The following GRM7 variants were observed in gnomAD, a reference collection of about 807,000 sequenced individuals.
GRM7 encodes glutamate metabotropic receptor 7.
A neutral mutation model predicts 84.5 loss-of-function variants in GRM7; 35 were observed. That is an observed-to-expected ratio of 0.41 (90% CI 0.32 to 0.55). GRM7 has a LOEUF of 0.55. Among genes scored for constraint, GRM7 ranks in the 20% least tolerant of loss-of-function variants. The probability of loss-of-function intolerance (pLI) is 0.19; values close to 1 mark genes in which losing one functional copy is unlikely to be tolerated. For synonymous variants in GRM7, 487 were observed against 455.1 expected, an observed-to-expected ratio of 1.07 and a Z score of -0.89; for missense variants, 1,003 against 1,194.6, an observed-to-expected ratio of 0.84 and a Z score of 2.36.
At chr3:7,553,244 A>G (rs1355544916) in intron 7 of GRM7, among the ~76,000 whole-genome samples, 1 of 152,174 alleles carries the variant, frequency 6.6e-6, no homozygotes, top group African/African-American at 2.4e-5. Flanking sequence ...CCTCATCTCT[A>G]TCTGAGACCA....
At position 7,692,568 on chromosome 3, in the gene GRM7, G is replaced by T. The variant is rs376467896; in HGVS notation, c.2698+12273G>T. Among the ~76,000 whole-genome samples the T allele has an allele frequency of 3.3e-5, 5 of 152,182 alleles. No individual in the cohort carries two copies. In the East Asian group the frequency reaches 5.8e-4, roughly 18 times the overall value. On this transcript the variant is annotated intron_variant, in intron 9 of 9. Coordinates refer to ENST00000357716, the MANE Select transcript of GRM7 (RefSeq NM_000844.4). Reference sequence around the variant, plus strand: ...TTCAAAGGGCCTATCATGATCATTTGCAACAATTTAATAATAATATTAGAA... The same window carrying T: ...TTCAAAGGGCCTATCATGATCATTTTCAACAATTTAATAATAATATTAGAA...
chr3:7,079,710 C>T (rs1698217482), intron 1 of GRM7, among the ~76,000 whole-genome samples: 1 of 152,072 alleles, frequency 6.6e-6, no homozygotes, highest in African/African-American at 2.4e-5. Flanking sequence ...GGATATTTAG[C>T]AGGGTTGATT....
chr3:7,457,546 G>GA (rs2124900985), intron 6 of GRM7, among the ~76,000 whole-genome samples: 1 of 152,224 alleles, frequency 6.6e-6, no homozygotes, highest in East Asian at 1.9e-4. Context: ...CTAGTTTCTA[G>GA]AAAACAAATT....
At chr3:6,929,765 A>G (rs1697434769) in intron 1 of GRM7, among the ~76,000 whole-genome samples, 1 of 152,150 alleles carries the variant, frequency 6.6e-6, no homozygotes, top group African/African-American at 2.4e-5. Context: ...ATTGATTACA[A>G]TCCTAAGTGG....
At chr3:7,377,834 A>G (rs1319759348) in intron 4 of GRM7, among the ~76,000 whole-genome samples, 11 of 152,218 alleles carry the variant, frequency 7.2e-5, no homozygotes, top group Admixed American at 7.2e-4. Flanking sequence ...AAAATCATGT[A>G]TTTAGTCTTA....
Position 6,862,051 on chromosome 3 carries a change from C to A in GRM7, c.519+144C>A. The A allele has an allele frequency of 1.5e-6, 1 of 657,326 alleles. No individual in the cohort carries two copies. Among genetic ancestry groups the A allele is most frequent in the Non-Finnish European group, 2.6e-6 (1 of 386,574 alleles). 40.7% of individuals were successfully genotyped at this position (657,326 alleles called of 1,614,324 possible). ...GAGATCCTGCCGAATCCCTCCCACC[C>A]CGCTCGAGGAGATACCTTCCCTGCT... is the stretch of plus-strand genomic sequence containing the variant. On this transcript the variant is annotated intron_variant, in intron 1 of 9. Coordinates refer to ENST00000357716, the MANE Select transcript of GRM7 (RefSeq NM_000844.4). The surrounding 1 kb of genome is among the most constrained non-coding windows in gnomAD (Gnocchi z 5.2).
At chr3:7,645,624 G>T (rs1050050312) in intron 8 of GRM7, among the ~76,000 whole-genome samples, 13 of 149,258 alleles carry the variant, frequency 8.7e-5, no homozygotes, top group Non-Finnish European at 1.9e-4. Flanking sequence ...AAACCTAATT[G>T]ACAAGCTAAT....
chr3:7,509,647 A>G (rs1332942190), intron 7 of GRM7, among the ~76,000 whole-genome samples: 1 of 152,236 alleles, frequency 6.6e-6, no homozygotes, highest in Non-Finnish European at 1.5e-5. Context: ...TCAAGCCTAG[A>G]AAAGACAGTC....
At chr3:7,187,004 A>G (rs1270515759) in intron 2 of GRM7, among the ~76,000 whole-genome samples, 2 of 152,114 alleles carry the variant, frequency 1.3e-5, no homozygotes, top group Non-Finnish European at 2.9e-5. Context: ...GGATCACTGG[A>G]GCCTAGGCAG....
chr3:7,483,723 C>A (rs746856183), intron 7 of GRM7, among the ~76,000 whole-genome samples: 1 of 151,850 alleles, frequency 6.6e-6, no homozygotes, highest in African/African-American at 2.4e-5. Flanking sequence ...CCAGTTAGGC[C>A]AGTTGGTTTT....
At chr3:7,184,004 C>T (rs1695431395) in intron 2 of GRM7, among the ~76,000 whole-genome samples, 1 of 151,832 alleles carries the variant, frequency 6.6e-6, no homozygotes, top group South Asian at 2.1e-4. Flanking sequence ...ATAAATATAG[C>T]CCTGATGGAA....
At chr3:7,108,495 T>A in intron 1 of GRM7, among the ~76,000 whole-genome samples, 1 of 103,538 alleles carries the variant, frequency 9.7e-6, no homozygotes, top group African/African-American at 3.6e-5. Flanking sequence ...ACTCAACCAT[T>A]TTTTTTTTTT....
At chr3:7,572,564 A>G (rs58351077) in intron 7 of GRM7, among the ~76,000 whole-genome samples, 1,971 of 151,926 alleles carry the variant, frequency 0.013, 30 homozygotes, top group African/African-American at 0.045. Context: ...TCACGCCTGT[A>G]ATCCCAGCGC....
intron 1 of GRM7, among the ~76,000 whole-genome samples, chr3:7,140,235 A>T (rs1013325262): frequency 6.6e-6 from 1 of 152,040 alleles, no homozygotes; most frequent in African/African-American, 2.4e-5. Flanking sequence ...CTCATGAGAG[A>T]GAGTGAGAAG....
At chr3:7,109,157 A>AGTTGAG (rs1351974000) in intron 1 of GRM7, among the ~76,000 whole-genome samples, 1 of 151,984 alleles carries the variant, frequency 6.6e-6, no homozygotes, top group African/African-American at 2.4e-5. Context: ...CTTTTGTTTT[A>AGTTGAG]GTTGAGGTAC....
At chr3:7,039,647 TCAATA>T (rs1331173550) in intron 1 of GRM7, among the ~76,000 whole-genome samples, 1 of 152,054 alleles carries the variant, frequency 6.6e-6, no homozygotes, top group Non-Finnish European at 1.5e-5. Flanking sequence ...GGAGTGTCAA[TCAATA>T]CAAAGCTAAA....
At chr3:7,299,719 A>T (rs1327986307) in intron 3 of GRM7, among the ~76,000 whole-genome samples, 1 of 150,508 alleles carries the variant, frequency 6.6e-6, no homozygotes, top group Non-Finnish European at 1.5e-5. Flanking sequence ...CATGGAGATC[A>T]CTGAATATTA....
chr3:7,365,234 A>G (rs555132949), intron 4 of GRM7, among the ~76,000 whole-genome samples: 1 of 151,648 alleles, frequency 6.6e-6, no homozygotes, highest in South Asian at 2.1e-4. Context: ...GTTCTTTGTG[A>G]TTTCTCTATA....
chr3:7,503,245 G>C (rs1456774369), intron 7 of GRM7, among the ~76,000 whole-genome samples: 1 of 152,074 alleles, frequency 6.6e-6, no homozygotes, highest in Non-Finnish European at 1.5e-5. Flanking sequence ...ATAAAAGAGA[G>C]ACCAGATAAT....
Sources: gnomAD v4.1 joint callset for allele counts (sites outside exome capture counted in the v4.1 genomes callset) on GRCh38, gnomAD v4.1.1 for gene constraint, Gnocchi (gnomAD v3.1) non-coding constraint, MANE v1.5 for transcripts, NCBI Gene and HGNC (gene_info 2026-07-23, HGNC 2026-07-21) for gene names.